Variants in MYO16 observed in about 807,000 individuals in gnomAD.
MYO16 encodes myosin XVI.
MYO16 carries 94 observed loss-of-function variants against 205.3 expected under a neutral mutation model. The observed-to-expected ratio is 0.46, with a 90% CI of 0.39 to 0.54. MYO16 has a LOEUF of 0.54. Among genes scored for constraint, MYO16 ranks in the 20% least tolerant of loss-of-function variants. The probability of loss-of-function intolerance (pLI) is 0.00; values close to 1 mark genes in which losing one functional copy is unlikely to be tolerated. For missense variants in MYO16, 2,315 were observed against 2,387.5 expected (o/e 0.97, Z 0.63); for synonymous variants, 988 against 954.0 (o/e 1.04, Z -0.66).
intron 9 of MYO16, among the ~76,000 whole-genome samples, chr13:108,838,813 C>T (rs961524541): frequency 3.4e-5 from 5 of 147,338 alleles, no homozygotes; most frequent in East Asian, 4.0e-4. Flanking sequence ...TTTTAAAATA[C>T]GTGAAGGGGT....
rs1028402687 is a variant in MYO16 at position 109,055,657 on chromosome 13, T to C, written c.3335+62T>C. Reference sequence around the variant, plus strand: ...GCTGTTCAGTGCAGTGTACTGACACTGACACTATTGTAGCAAGGGTCTTCT... The same window carrying C: ...GCTGTTCAGTGCAGTGTACTGACACCGACACTATTGTAGCAAGGGTCTTCT... On this transcript the variant is annotated intron_variant, in intron 27 of 34. Transcript: ENST00000457511. This position sits in a 1 kb window ranked among gnomAD's most constrained non-coding sequence, Gnocchi z 5.0. The C allele has an allele frequency of 7.1e-7, 1 of 1,411,464 alleles. No individual in the cohort carries two copies. Among genetic ancestry groups the C allele is most frequent in the Non-Finnish European group, 9.9e-7 (1 of 1,010,344 alleles). The allele number at this position is 1,411,464 out of a possible 1,614,324, so 87.4% of individuals were successfully genotyped here. A position where few individuals can be genotyped will look rare whatever the true frequency, so the allele number is the denominator to read the frequency against.
the MYO16 span, among the ~76,000 whole-genome samples, chr13:108,503,306 G>C: frequency 6.6e-6 from 1 of 152,146 alleles, no homozygotes; most frequent in African/African-American, 2.4e-5. Context: ...GCACAGCGCA[G>C]GCAACAAGAG....
intron 6 of MYO16, among the ~76,000 whole-genome samples, chr13:108,797,334 T>C (rs1444288277): frequency 5.3e-5 from 8 of 152,164 alleles, no homozygotes; most frequent in Admixed American, 3.3e-4. Context: ...AACATTAGCA[T>C]ATATGTGATG....
At chr13:108,706,981 G>C (rs1029834223) in intron 2 of MYO16, among the ~76,000 whole-genome samples, 2 of 152,290 alleles carry the variant, frequency 1.3e-5, no homozygotes, top group South Asian at 4.1e-4. Flanking sequence ...ACCTAATGCA[G>C]CCTTGACTTC....
intron 27 of MYO16, among the ~76,000 whole-genome samples, chr13:109,074,820 C>T (rs532282991): frequency 6.6e-6 from 1 of 152,168 alleles, no homozygotes; most frequent in Non-Finnish European, 1.5e-5. Flanking sequence ...GGGGAACCAC[C>T]CCATGATCCA....
chr13:108,607,157 C>T (rs551129066), intron 1 of MYO16, among the ~76,000 whole-genome samples: 7 of 152,172 alleles, frequency 4.6e-5, no homozygotes, highest in Non-Finnish European at 8.8e-5. Flanking sequence ...CTTGCCTTGT[C>T]TTGGATAAGA....
chr13:108,790,870 TTTTAA>T (rs777456672), intron 5 of MYO16, among the ~76,000 whole-genome samples: 1 of 152,210 alleles, frequency 6.6e-6, no homozygotes. Flanking sequence ...CTTATCTCTG[TTTTAA>T]TTTGTTACTT....
chr13:108,927,034 A>G (rs182726235), intron 16 of MYO16, among the ~76,000 whole-genome samples: 3 of 152,238 alleles, frequency 2.0e-5, no homozygotes, highest in Admixed American at 2.0e-4. Flanking sequence ...AACAAGGTAC[A>G]CACGTGGCCC....
chr13:108,562,660 T>C, the MYO16 span, among the ~76,000 whole-genome samples: 2 of 152,208 alleles, frequency 1.3e-5, no homozygotes, highest in Non-Finnish European at 2.9e-5. Flanking sequence ...TGGTCAACAA[T>C]GGTGGTCCCA....
chr13:109,132,868 G>A (rs747938473), intron 31 of MYO16, among the ~76,000 whole-genome samples: 1 of 152,202 alleles, frequency 6.6e-6, no homozygotes, highest in Non-Finnish European at 1.5e-5. Flanking sequence ...AGACCAGTAG[G>A]AGAGATAAGT....
intron 20 of MYO16, among the ~76,000 whole-genome samples, chr13:108,965,194 CA>C (rs1408829969): frequency 1.3e-5 from 2 of 152,030 alleles, no homozygotes. Context: ...TTTTGTGCAC[CA>C]ATAAATCTAA....
chr13:108,718,984 T>C (rs1884055884), intron 3 of MYO16, among the ~76,000 whole-genome samples: 1 of 152,090 alleles, frequency 6.6e-6, no homozygotes, highest in African/African-American at 2.4e-5. Flanking sequence ...ACCCAATGGA[T>C]GAGTTTTCCA....
At chr13:108,536,267 C>T in the MYO16 span, among the ~76,000 whole-genome samples, 1 of 152,132 alleles carries the variant, frequency 6.6e-6, no homozygotes, top group Non-Finnish European at 1.5e-5. Flanking sequence ...AGTCAGAGAG[C>T]TACAGATTTA....
intron 27 of MYO16, among the ~76,000 whole-genome samples, chr13:109,070,108 A>C (rs2139647205): frequency 6.6e-6 from 1 of 152,328 alleles, no homozygotes; most frequent in African/African-American, 2.4e-5. Context: ...TATGGACCAA[A>C]CCAAGACATA....
upstream of MYO16, among the ~76,000 whole-genome samples, chr13:108,626,111 A>G (rs1436831961): frequency 2.6e-5 from 4 of 152,172 alleles, no homozygotes; most frequent in Non-Finnish European, 5.9e-5. Context: ...CTGGGAAATA[A>G]TTTAGCCTTA....
intron 34 of MYO16, among the ~76,000 whole-genome samples, chr13:109,187,151 T>TACATC (rs942857013): frequency 6.6e-6 from 1 of 152,220 alleles, no homozygotes; most frequent in Non-Finnish European, 1.5e-5. Context: ...TTAATCCAAA[T>TACATC]ACATCCTTTT....
At chr13:109,101,025 A>G (rs1370500041) in intron 28 of MYO16, 138 bp downstream of exon 28, 1 of 659,456 alleles carries the variant, frequency 1.5e-6, no homozygotes, top group East Asian at 2.8e-5. Context: ...CATTAAGTGT[A>G]TTCCCTGGAA....
intron 4 of MYO16, among the ~76,000 whole-genome samples, chr13:108,737,146 T>C (rs1411086649): frequency 2.0e-5 from 3 of 152,204 alleles, no homozygotes; most frequent in African/African-American, 7.2e-5. Flanking sequence ...TCCTGCCTGA[T>C]TGCCCTGGAC....
intron 16 of MYO16, among the ~76,000 whole-genome samples, chr13:108,949,259 A>G (rs996819516): frequency 6.6e-6 from 1 of 152,204 alleles, no homozygotes; most frequent in Non-Finnish European, 1.5e-5. Context: ...AGGCACCATC[A>G]GGCTTTGTGA....
Sources: gnomAD v4.1 joint callset for allele counts (sites outside exome capture counted in the v4.1 genomes callset) on GRCh38, gnomAD v4.1.1 for gene constraint, Gnocchi (gnomAD v3.1) non-coding constraint, MANE v1.5 for transcripts, NCBI Gene and HGNC (gene_info 2026-07-23, HGNC 2026-07-21) for gene names.